The following SULF2 variants were observed in gnomAD, a reference collection of about 807,000 sequenced individuals.
SULF2 encodes extracellular sulfatase Sulf-2.
SULF2 carries 52 observed loss-of-function variants against 107.7 expected under a neutral mutation model. That is an observed-to-expected ratio of 0.48 (90% CI 0.39 to 0.61). The LOEUF (loss-of-function observed/expected upper bound fraction) is 0.61. SULF2 is among the 20% of genes least tolerant of loss of function. The probability of loss-of-function intolerance (pLI) is 0.00; values close to 1 mark genes in which losing one functional copy is unlikely to be tolerated. For missense variants in SULF2, 993 were observed against 1,177.3 expected (o/e 0.84, Z 2.29); for synonymous variants, 460 against 464.3 (o/e 0.99, Z 0.12).
chr20:47,713,167 T>C (rs1013313908), intron 3 of SULF2, among the ~76,000 whole-genome samples: 1 of 152,134 alleles, frequency 6.6e-6, no homozygotes, highest in African/African-American at 2.4e-5. Context: ...AGCACATCTG[T>C]GTGCAGAATA....
Position 47,684,592 on chromosome 20 carries a change from A to G in SULF2, c.738-11T>C. The G allele has an allele frequency of 6.2e-7, 1 of 1,612,846 alleles. No individual in the cohort carries two copies. Among genetic ancestry groups the G allele is most frequent in the South Asian group, 1.1e-5 (1 of 90,964 alleles). On this transcript the variant is annotated splice_polypyrimidine_tract_variant and intron_variant, in intron 5 of 20. Transcript: ENST00000688720. ...TTGTAGCTCGGCGTGCTGGTGGGCA[A>G]GGACATACACATCGGTCAAACCCAG...
chr20:47,707,137 G>T (rs1156571466), intron 3 of SULF2, among the ~76,000 whole-genome samples: 1 of 151,712 alleles, frequency 6.6e-6, no homozygotes, highest in Non-Finnish European at 1.5e-5. Flanking sequence ...TTACAGGCAT[G>T]GCCACCACAC....
chr20:47,665,439 C>A, intron 13 of SULF2, 146 bp from the exon 14 acceptor site: 1 of 672,082 alleles, frequency 1.5e-6, no homozygotes, highest in Non-Finnish European at 2.7e-6. Context: ...ACCGGCATGT[C>A]TGGGTGGGGA....
At chr20:47,664,283 G>C in intron 14 of SULF2, 94 bp from the exon 15 acceptor site, 2 of 1,261,790 alleles carry the variant, frequency 1.6e-6, no homozygotes, top group Non-Finnish European at 2.3e-6. Flanking sequence ...CCCATGTGTT[G>C]CTGCTGCCCC....
At chr20:47,658,616 T>G (rs914942857) in intron 20 of SULF2, among the ~76,000 whole-genome samples, 6 of 152,204 alleles carry the variant, frequency 3.9e-5, no homozygotes, top group African/African-American at 1.4e-4. Context: ...GACAGAATAG[T>G]GGCTAAGGAG....
At chr20:47,781,652 T>G (rs1298361678) in intron 1 of SULF2, among the ~76,000 whole-genome samples, 1 of 152,128 alleles carries the variant, frequency 6.6e-6, no homozygotes, top group African/African-American at 2.4e-5. Flanking sequence ...AAGGCTCACC[T>G]GGGTCAGACG....
Position 47,680,741 on chromosome 20 carries a change from G to A in SULF2, c.1065-1937C>T, listed in dbSNP as rs2087798316. 6.6e-6 allele frequency among the ~76,000 whole-genome samples: 1 copy of A among 152,234 alleles called. No individual in the cohort carries two copies. The highest frequency in any genetic ancestry group is 1.5e-5 in the Non-Finnish European group (1 of 68,034). On this transcript the variant is annotated intron_variant, in intron 7 of 20. Coordinates refer to ENST00000688720, the MANE Select transcript of SULF2 (RefSeq NM_001387048.1). This position sits in a 1 kb window ranked among gnomAD's most constrained non-coding sequence, Gnocchi z 4.2. The stretch of plus-strand genomic sequence containing the variant: ...GAGGGAGCTGGGAAGACTGCTGAGC[G>A]ACGGGCGCTCTGCAGAACCCAGCAA...
chr20:47,687,460 G>A (rs533813160), intron 5 of SULF2, among the ~76,000 whole-genome samples: 4 of 152,184 alleles, frequency 2.6e-5, no homozygotes, highest in African/African-American at 9.6e-5. Flanking sequence ...GGGAAATGGC[G>A]GGAAGATGGT....
chr20:47,749,529 C>T (rs2090116962), intron 2 of SULF2, among the ~76,000 whole-genome samples: 1 of 152,206 alleles, frequency 6.6e-6, no homozygotes, highest in Admixed American at 6.5e-5. Context: ...TGGAAGTTAC[C>T]ACTGATCTGG....
intron 5 of SULF2, among the ~76,000 whole-genome samples, chr20:47,687,789 C>T (rs1964016990): frequency 6.6e-6 from 1 of 151,782 alleles, no homozygotes; most frequent in African/African-American, 2.4e-5. Context: ...CTCACTGCAG[C>T]CTCGACCTCT....
intron 1 of SULF2, among the ~76,000 whole-genome samples, chr20:47,765,787 C>T (rs985114945): frequency 6.6e-6 from 1 of 152,176 alleles, no homozygotes; most frequent in African/African-American, 2.4e-5. Flanking sequence ...GCTATTTGCA[C>T]ACAGACATTC....
chr20:47,686,907 G>C (rs1178837195), intron 5 of SULF2, among the ~76,000 whole-genome samples: 3 of 152,098 alleles, frequency 2.0e-5, no homozygotes, highest in African/African-American at 7.2e-5. Flanking sequence ...TGGCTCTGCT[G>C]TCTCAGGGCC....
intron 11 of SULF2, among the ~76,000 whole-genome samples, chr20:47,669,236 TCTC>T (rs1437353036): frequency 6.6e-6 from 1 of 152,092 alleles, no homozygotes; most frequent in Non-Finnish European, 1.5e-5. Context: ...CTCGTCCCCT[TCTC>T]CTGTTCCTGG....
At position 47,662,728 on chromosome 20, in the gene SULF2, T is replaced by C. The variant is rs143503710; in HGVS notation, c.2370+342A>G. Among the ~76,000 whole-genome samples, 315 of 152,322 alleles carry C rather than the reference T, an allele frequency of 2.1e-3. 6 individuals are homozygous for C. The East Asian group carries it at 0.05, about 24-fold the overall frequency. ...TTAGCTGCGCGGTCCGTGTAGGCCC[T>C]GCAGTGGGTGATATTTGGCTTGATC... On this transcript the variant is annotated intron_variant, in intron 17 of 20. Coordinates refer to ENST00000688720, the MANE Select transcript of SULF2 (RefSeq NM_001387048.1).
At chr20:47,773,268 T>C (rs1468271683) in intron 1 of SULF2, among the ~76,000 whole-genome samples, 1 of 152,176 alleles carries the variant, frequency 6.6e-6, no homozygotes, top group Non-Finnish European at 1.5e-5. Flanking sequence ...GAATGAAGAT[T>C]GTCTTAAGAG....
chr20:47,705,019 C>A (rs972867929), intron 3 of SULF2, among the ~76,000 whole-genome samples: 9 of 152,182 alleles, frequency 5.9e-5, no homozygotes, highest in Non-Finnish European at 1.3e-4. Context: ...GGTGACCTGG[C>A]AGATGGCTGA....
intron 15 of SULF2, 89 bp from the exon 16 acceptor site, chr20:47,663,711 G>T: frequency 7.1e-7 from 1 of 1,413,500 alleles, no homozygotes; most frequent in Non-Finnish European, 9.5e-7. Context: ...TAAGGGCTTC[G>T]CTGAGGCTTC....
At chr20:47,679,922 C>T (rs2087769698) in intron 7 of SULF2, among the ~76,000 whole-genome samples, 1 of 151,636 alleles carries the variant, frequency 6.6e-6, no homozygotes, top group South Asian at 2.1e-4. Flanking sequence ...ATCACCATCT[C>T]ATATGCTATA....
chr20:47,763,054 T>C (rs1262768367), intron 1 of SULF2, among the ~76,000 whole-genome samples: 1 of 152,030 alleles, frequency 6.6e-6, no homozygotes, highest in Non-Finnish European at 1.5e-5. Flanking sequence ...TCCTTTTTCT[T>C]GGTAAAATAT....
Sources: allele counts gnomAD v4.1 joint callset (sites outside exome capture counted in the v4.1 genomes callset), GRCh38; gene constraint gnomAD v4.1.1; non-coding constraint Gnocchi (gnomAD v3.1); transcripts MANE v1.5; gene names NCBI Gene and HGNC (gene_info 2026-07-23, HGNC 2026-07-21).